Variants in PCDHA4 observed in about 807,000 individuals in gnomAD.
PCDHA4 encodes the protein protocadherin alpha-4.
A neutral mutation model predicts 61.4 loss-of-function variants in PCDHA4; 49 were observed. The ratio of observed to expected loss-of-function variants is 0.80; its 90% CI spans 0.63 to 1.01. The LOEUF (loss-of-function observed/expected upper bound fraction) is 1.01. PCDHA4 is among the 50% of genes least tolerant of loss of function. The pLI, the probability that PCDHA4 is intolerant of heterozygous loss-of-function variation, is 0.00. For synonymous variants in PCDHA4, 590 were observed against 550.3 expected (o/e 1.07, Z -1.01); for missense variants, 1,254 against 1,235.8 (o/e 1.01, Z -0.22).
In PCDHA4 at chr5:140,834,566, G is replaced by T. The variant is rs149709586; in HGVS notation, c.2385+24994G>T. ...GGCTGGAGCTGGCGGAGCTGGTGCC[G>T]CGCCTGTTCCGGGCGGTGTGCAAAT... is the stretch of plus-strand genomic sequence containing the variant. On this transcript the variant is annotated intron_variant, in intron 1 of 3. Transcript: ENST00000530339. The T allele has an allele frequency of 1.5e-3, 2,437 of 1,614,096 alleles. 37 individuals carry two copies. In the African/African-American group the frequency reaches 0.029, roughly 19 times the overall value.
intron 1 of PCDHA4, among the ~76,000 whole-genome samples, chr5:140,909,031 A>G (rs782567758): frequency 7.9e-5 from 12 of 152,106 alleles, no homozygotes; most frequent in Non-Finnish European, 1.6e-4. Flanking sequence ...TTAGTCATTT[A>G]TTTTCCATAC....
At chr5:140,927,780 T>C (rs1189193877) in intron 1 of PCDHA4, 5 of 1,614,090 alleles carry the variant, frequency 3.1e-6, no homozygotes, top group African/African-American at 1.3e-5. Flanking sequence ...TGCAAGTAGC[T>C]GCTTCACTAG....
chr5:140,814,439 G>C (rs1327289390), intron 1 of PCDHA4: 1 of 149,084 alleles, frequency 6.7e-6, no homozygotes, highest in African/African-American at 2.5e-5. Context: ...GTTTTGTGGT[G>C]ACCTTTTTTC....
intron 1 of PCDHA4, among the ~76,000 whole-genome samples, chr5:140,917,068 G>A (rs2077864221): frequency 6.6e-6 from 1 of 152,066 alleles, no homozygotes; most frequent in African/African-American, 2.4e-5. Flanking sequence ...CGACAGCACC[G>A]AGTTTAATGT....
At chr5:140,837,468 A>G (rs1775065496) in intron 1 of PCDHA4, among the ~76,000 whole-genome samples, 1 of 151,630 alleles carries the variant, frequency 6.6e-6, no homozygotes, top group African/African-American at 2.4e-5. Context: ...TTGCCTCCTC[A>G]AACCCCAAAC....
In PCDHA4 at chr5:140,928,392, G is replaced by A. The variant is rs17844366; in HGVS notation, c.2386-50557G>A. 2.0e-4 allele frequency: 326 copies of A among 1,614,052 alleles called. No homozygotes were observed. The East Asian group carries it at 6.6e-3, about 32-fold the overall frequency. Reference sequence around the variant, plus strand: ...CATCAGCCTCTAGCTTGCTGGCAGTGGAATCATCCAGTGGGGCCATCACTG... The same window carrying A: ...CATCAGCCTCTAGCTTGCTGGCAGTAGAATCATCCAGTGGGGCCATCACTG... On this transcript the variant is annotated intron_variant, in intron 1 of 3. Transcript: ENST00000530339.
chr5:140,877,243 G>A lies in PCDHA4; in HGVS notation c.2385+67671G>A, dbSNP rs201483899. ...GCGGTCGGTGGGTGCGGGCCACGTG[G>A]TGGCGAAAGTGCGCGCGGTGGACGC... On this transcript the variant is annotated intron_variant, in intron 1 of 3. Transcript: ENST00000530339. The A allele has an allele frequency of 1.2e-5, 20 of 1,613,724 alleles. No individual in the cohort carries two copies. In the African/African-American group the frequency reaches 2.7e-4, roughly 22 times the overall value.
intron 1 of PCDHA4, chr5:140,860,142 T>C (rs1288609086): frequency 1.3e-5 from 2 of 149,904 alleles, no homozygotes; most frequent in Admixed American, 6.7e-5. Flanking sequence ...TGTATATATA[T>C]GTATATATGT....
At chr5:140,928,885 C>T in intron 1 of PCDHA4, 1 of 1,614,194 alleles carries the variant, frequency 6.2e-7, no homozygotes, top group Non-Finnish European at 8.5e-7. Context: ...TCAGTTACTT[C>T]CAGACTTTGA....
intron 1 of PCDHA4, chr5:140,822,687 CG>C: frequency 6.2e-7 from 1 of 1,608,794 alleles, no homozygotes; most frequent in Non-Finnish European, 8.5e-7. Flanking sequence ...TAAAAGTTAA[CG>C]GGGAACTGGA....
intron 1 of PCDHA4, chr5:140,853,670 T>G: frequency 1.0e-6 from 1 of 988,378 alleles, no homozygotes; most frequent in Non-Finnish European, 1.2e-6. Flanking sequence ...AATTGGGGCC[T>G]ATGGTCAACC....
chr5:140,924,102 T>C (rs1227932285), intron 1 of PCDHA4, among the ~76,000 whole-genome samples: 1 of 152,242 alleles, frequency 6.6e-6, no homozygotes. Context: ...TAAATTTTCA[T>C]TCCAAAGCAG....
chr5:140,926,755 T>G, intron 1 of PCDHA4: 4 of 1,282,566 alleles, frequency 3.1e-6, no homozygotes, highest in Non-Finnish European at 4.0e-6. Context: ...CGGCGGTCGC[T>G]GAGTATCCAG....
chr5:140,966,698 G>C, intron 1 of PCDHA4: 2 of 1,363,568 alleles, frequency 1.5e-6, no homozygotes, highest in Non-Finnish European at 1.9e-6. Flanking sequence ...CGGGGCCCGG[G>C]CGTGGGGCAC....
intron 1 of PCDHA4, chr5:140,823,668 C>T: frequency 6.2e-7 from 1 of 1,614,060 alleles, no homozygotes; most frequent in South Asian, 1.1e-5. Context: ...GCGAGATCAG[C>T]ACAACACGCT....
intron 1 of PCDHA4, among the ~76,000 whole-genome samples, chr5:140,890,624 T>C (rs1487627842): frequency 6.6e-6 from 1 of 152,202 alleles, no homozygotes; most frequent in Non-Finnish European, 1.5e-5. Context: ...CCTAGAAAAT[T>C]AAGCATGTAT....
At chr5:140,834,180 C>G in intron 1 of PCDHA4, 1 of 562,966 alleles carries the variant, frequency 1.8e-6, no homozygotes, top group Non-Finnish European at 3.1e-6. Context: ...ATGATGGCCA[C>G]ATGATGTCGC....
chr5:140,841,394 A>G (rs2150314638), intron 1 of PCDHA4: 1 of 1,613,274 alleles, frequency 6.2e-7, no homozygotes, highest in East Asian at 2.2e-5. Context: ...CGCAGCCTGG[A>G]AGGTGGGGAG....
intron 1 of PCDHA4, chr5:140,863,681 T>C (rs2048119190): frequency 6.8e-6 from 2 of 294,950 alleles, no homozygotes; most frequent in Non-Finnish European, 1.3e-5. Flanking sequence ...TTTTGCTTTT[T>C]CTTTTGAGAT....
Sources: gnomAD v4.1 joint callset for allele counts (sites outside exome capture counted in the v4.1 genomes callset) on GRCh38, gnomAD v4.1.1 for gene constraint, MANE v1.5 for transcripts, NCBI Gene and HGNC (gene_info 2026-07-23, HGNC 2026-07-21) for gene names.